The following GAD1 variants were observed in gnomAD, a reference collection of about 807,000 sequenced individuals.
GAD1 encodes 67 kDa glutamic acid decarboxylase.
A neutral mutation model predicts 75.2 loss-of-function variants in GAD1; 35 were observed. The ratio of observed to expected loss-of-function variants is 0.47; its 90% CI spans 0.36 to 0.62. The LOEUF is 0.62. Among genes scored for constraint, GAD1 ranks in the 20% least tolerant of loss-of-function variants. The pLI is 0.00. For missense variants in GAD1, 490 were observed against 758.5 expected, an observed-to-expected ratio of 0.65 and a Z score of 4.16; for synonymous variants, 257 against 271.9, an observed-to-expected ratio of 0.95 and a Z score of 0.54.
intron 2 of GAD1, among the ~76,000 whole-genome samples, chr2:170,820,712 T>C (rs1184796891): frequency 6.6e-6 from 1 of 152,178 alleles, no homozygotes; most frequent in Non-Finnish European, 1.5e-5. Flanking sequence ...CCTTTCCCTT[T>C]CTTTCATTGC....
intron 10 of GAD1, among the ~76,000 whole-genome samples, chr2:170,846,959 G>A (rs1344897974): frequency 2.0e-5 from 3 of 152,178 alleles, no homozygotes; most frequent in Non-Finnish European, 2.9e-5. Flanking sequence ...AGCCATGATC[G>A]TGCCAATGCA....
chr2:170,835,820 C>T (rs183058376), intron 5 of GAD1, among the ~76,000 whole-genome samples: 1 of 152,218 alleles, frequency 6.6e-6, no homozygotes, highest in East Asian at 1.9e-4. Flanking sequence ...TGGCAATGAG[C>T]AAAGTAGAGT....
At chr2:170,824,461 T>G (rs1370698601) in intron 3 of GAD1, among the ~76,000 whole-genome samples, 1 of 151,412 alleles carries the variant, frequency 6.6e-6, no homozygotes, top group Non-Finnish European at 1.5e-5. Context: ...GGAGGGTCCC[T>G]TCTTGACTTG....
intron 3 of GAD1, among the ~76,000 whole-genome samples, chr2:170,826,087 C>G (rs925830381): frequency 3.9e-5 from 6 of 152,102 alleles, no homozygotes; most frequent in Non-Finnish European, 7.4e-5. Context: ...AAACACCTTC[C>G]TAAACAAAGT....
intron 6 of GAD1, among the ~76,000 whole-genome samples, chr2:170,838,462 T>C (rs1420253577): frequency 6.6e-6 from 1 of 152,170 alleles, no homozygotes; most frequent in Non-Finnish European, 1.5e-5. Flanking sequence ...AATTAGGAAA[T>C]ATAGTTGTTG....
chr2:170,831,016 T>C lies in GAD1; in HGVS notation c.371T>C (p.Leu124Pro). 6.2e-7 allele frequency: 1 copy of C among 1,614,120 alleles called. No individual in the cohort carries two copies. Among genetic ancestry groups the C allele is most frequent in the East Asian group, 2.2e-5 (1 of 44,876 alleles). Residue 124 changes from leucine (L) to proline (P), a missense_variant, in exon 5 of 17, where the codon CTC (leucine) becomes CCC (proline). Leu to Pro is a moderately conservative substitution (Grantham distance 98). Transcript: ENST00000358196. ...TTCCTCCTGGAAGTGGTGGACATAC[T>C]CCTCAACTATGTCCGCAAGACATTT... ...VQFLLEVVDI[L>P]LNYVRKTFDR...
chr2:170,843,395 G>T (rs1702561792), intron 6 of GAD1, among the ~76,000 whole-genome samples: 1 of 152,174 alleles, frequency 6.6e-6, no homozygotes, highest in East Asian at 1.9e-4. Context: ...TCATCACTTA[G>T]AATTATTCTT....
At chr2:170,834,734 C>T (rs570953328) in intron 5 of GAD1, among the ~76,000 whole-genome samples, 1 of 151,906 alleles carries the variant, frequency 6.6e-6, no homozygotes, top group East Asian at 1.9e-4. Context: ...AAATCCCCAA[C>T]ATAATATTAT....
At chr2:170,815,646 C>T (rs1381535543), upstream of GAD1, among the ~76,000 whole-genome samples, 1 of 152,140 alleles carries the variant, frequency 6.6e-6, no homozygotes, top group Non-Finnish European at 1.5e-5. Context: ...GGGAGGACCA[C>T]GGTAAATACC....
intron 11 of GAD1, 46 bp from the exon 12 acceptor site, chr2:170,849,240 T>G: frequency 1.3e-6 from 2 of 1,549,818 alleles, no homozygotes; most frequent in Admixed American, 3.3e-5. Flanking sequence ...TTTAGATTCT[T>G]AAATGTCACT....
intron 14 of GAD1, 26 bp from the exon 15 acceptor site, chr2:170,856,992 A>G: frequency 6.3e-7 from 1 of 1,591,646 alleles, no homozygotes; most frequent in Non-Finnish European, 8.6e-7. Context: ...ATGCAACCAC[A>G]AACATGACTT....
chr2:170,839,794 G>A (rs543031036), intron 6 of GAD1, among the ~76,000 whole-genome samples: 3 of 152,236 alleles, frequency 2.0e-5, no homozygotes, highest in South Asian at 2.1e-4. Flanking sequence ...GCACAATTGC[G>A]CAGGTAGGGC....
chr2:170,836,826 GATTGGAT>G lies in GAD1; in HGVS notation c.585_591del (p.Asp196LeufsTer3). 6.2e-7 allele frequency: 1 copy of G among 1,614,000 alleles called. No individual in the cohort carries two copies. Among genetic ancestry groups the G allele is most frequent in the Non-Finnish European group, 8.5e-7 (1 of 1,179,892 alleles). On this transcript the variant is annotated frameshift_variant, in exon 6 of 17. Transcript: ENST00000358196. LOFTEE classifies it high-confidence loss of function. ...CGATTTTTCAACCAGCTCTCCACTG[GATTGGAT>G]ATTATTGGCCTAGCTGGAGAATGGC...
chr2:170,834,858 C>T (rs1365454542), intron 5 of GAD1, among the ~76,000 whole-genome samples: 1 of 151,806 alleles, frequency 6.6e-6, no homozygotes, highest in African/African-American at 2.4e-5. Flanking sequence ...GCAACCTCCC[C>T]TCTTGGGTTC....
chr2:170,818,752 G>A lies in GAD1; in HGVS notation c.82+79G>A. 3 of 1,348,480 alleles carry A rather than the reference G, an allele frequency of 2.2e-6. No homozygotes were observed. The highest frequency in any genetic ancestry group is 1.7e-5 in the Admixed American group (1 of 59,442). The allele number at this position is 1,348,480 out of a possible 1,614,324, so 83.5% of individuals were successfully genotyped here. On this transcript the variant is annotated intron_variant, in intron 2 of 16. Coordinates refer to ENST00000358196, the MANE Select transcript of GAD1 (RefSeq NM_000817.3). This position sits in a 1 kb window ranked among gnomAD's most constrained non-coding sequence, Gnocchi z 5.9. ...TGGGACGTCGGGAGGCTGAGCTGGC[G>A]GAAAGGGAAGGGGGAGCGCGGAGAT...
chr2:170,841,054 C>T (rs4667661), intron 6 of GAD1, among the ~76,000 whole-genome samples: 3,693 of 152,312 alleles, frequency 0.024, 134 homozygotes, highest in Admixed American at 0.1. Flanking sequence ...TAGTGTCACT[C>T]CATGAATGCC....
intron 13 of GAD1, 23 bp downstream of exon 13, chr2:170,852,815 C>T: frequency 1.4e-5 from 23 of 1,601,872 alleles, no homozygotes; most frequent in Non-Finnish European, 2.0e-5. Flanking sequence ...TCCAAAGCTA[C>T]ACTGGGGCCC....
intron 3 of GAD1, among the ~76,000 whole-genome samples, chr2:170,827,430 A>C (rs768501858): frequency 6.6e-6 from 1 of 152,204 alleles, no homozygotes; most frequent in Non-Finnish European, 1.5e-5. Context: ...GAATTGAAGG[A>C]GGAGAAGCCA....
intron 12 of GAD1, among the ~76,000 whole-genome samples, chr2:170,851,003 G>A (rs1702734149): frequency 6.7e-6 from 1 of 150,188 alleles, no homozygotes; most frequent in Admixed American, 6.7e-5. Context: ...GACAGAGCAA[G>A]ACTCTGTCTT....
Sources: allele counts gnomAD v4.1 joint callset (sites outside exome capture counted in the v4.1 genomes callset), GRCh38; gene constraint gnomAD v4.1.1; non-coding constraint Gnocchi (gnomAD v3.1); transcripts MANE v1.5; gene names NCBI Gene and HGNC (gene_info 2026-07-23, HGNC 2026-07-21).